Variants in NSUN6 observed in about 807,000 individuals in gnomAD.
NSUN6 encodes the protein NOP2/Sun RNA methyltransferase 6.
A neutral mutation model predicts 58.0 loss-of-function variants in NSUN6; 64 were observed. That is an observed-to-expected ratio of 1.10 (90% CI 0.90 to 1.36). NSUN6 has a LOEUF of 1.36. Among genes scored for constraint, NSUN6 ranks in the 40% most tolerant of loss-of-function variants. NSUN6 has a pLI of 0.00. For missense variants in NSUN6, 701 were observed against 550.1 expected (o/e 1.27, Z -2.74); for synonymous variants, 231 against 193.9 (o/e 1.19, Z -1.59).
intron 6 of NSUN6, among the ~76,000 whole-genome samples, chr10:18,600,891 G>A (rs1207244233): frequency 5.1e-5 from 6 of 117,780 alleles, no homozygotes; most frequent in Admixed American, 9.4e-5. Flanking sequence ...TCATGCCATC[G>A]TACTCCAGCC....
chr10:18,617,185 G>GTTT (rs35698731), intron 3 of NSUN6, among the ~76,000 whole-genome samples: 1,731 of 127,602 alleles, frequency 0.014, 16 homozygotes, highest in Non-Finnish European at 0.023. Context: ...AGCCTTTCTA[G>GTTT]TTTTTTTTTT....
rs199543258 is a variant in NSUN6 at position 18,614,493 on chromosome 10, C to A, written c.542G>T (p.Arg181Leu). ...FLGNGISELS[R>L]KEIFSGLPEL... is the part of the protein sequence containing the mutation. ...AGGTAATCCACTGAAGATTTCTTTG[C>A]GGCTTAGTTCAGAAATCCCATTTCC... Residue 181 changes from arginine to leucine, a missense_variant, in exon 5 of 11, where the codon CGC becomes CTC. Coordinates refer to ENST00000377304, the MANE Select transcript of NSUN6 (RefSeq NM_182543.5). The A allele has an allele frequency of 1.3e-6, 2 of 1,555,192 alleles. No homozygotes were observed. The highest frequency in any genetic ancestry group is 2.0e-5 in the Admixed American group (1 of 49,662).
chr10:18,551,072 T>C (rs934397722), intron 9 of NSUN6, among the ~76,000 whole-genome samples: 5 of 152,282 alleles, frequency 3.3e-5, no homozygotes, highest in South Asian at 2.1e-4. Flanking sequence ...TTATATCTAA[T>C]TCTTTACATC....
chr10:18,594,694 T>C (rs2057515841), intron 7 of NSUN6, among the ~76,000 whole-genome samples: 1 of 152,114 alleles, frequency 6.6e-6, no homozygotes, highest in African/African-American at 2.4e-5. Context: ...CGTGATCCAA[T>C]TGTGGCTCAA....
chr10:18,603,197 G>A (rs2057914903), intron 6 of NSUN6, among the ~76,000 whole-genome samples: 1 of 152,176 alleles, frequency 6.6e-6, no homozygotes, highest in Non-Finnish European at 1.5e-5. Flanking sequence ...GAAGGCTGAG[G>A]CATGAGAATC....
rs182637922 is a variant in NSUN6, at chr10:18,593,046, G to C, written c.777+3162C>G. ...AAATCCCATCAAAAAGTGGACGAAG[G>C]ATATGAACAGACACTTCTCAAAAGA... On this transcript the variant is annotated intron_variant, in intron 7 of 10. Transcript: ENST00000377304. Among the ~76,000 whole-genome samples, 188 of 152,144 alleles carry C rather than the reference G, an allele frequency of 1.2e-3. 1 individual carries two copies. Among genetic ancestry groups the C allele is most frequent in the African/African-American group, 4.4e-3 (184 of 41,498 alleles).
upstream of NSUN6, chr10:18,655,002 AGAAAT>A: frequency 1.1e-6 from 1 of 900,704 alleles, no homozygotes; most frequent in Non-Finnish European, 1.3e-6. Flanking sequence ...CTTTATTTCT[AGAAAT>A]AATACTATAT....
intron 6 of NSUN6, among the ~76,000 whole-genome samples, chr10:18,600,961 CATAT>C (rs765573745): frequency 3.3e-4 from 16 of 47,790 alleles, no homozygotes; most frequent in African/African-American, 6.8e-4. Context: ...TATATATATA[CATAT>C]ATATATATAT....
chr10:18,576,304 A>C (rs1323830018), intron 8 of NSUN6, among the ~76,000 whole-genome samples: 1 of 152,080 alleles, frequency 6.6e-6, no homozygotes, highest in African/African-American at 2.4e-5. Flanking sequence ...TCCACTTCAG[A>C]AAAGTACCTC....
At chr10:18,553,515 A>C (rs1336014626) in intron 8 of NSUN6, among the ~76,000 whole-genome samples, 1 of 150,548 alleles carries the variant, frequency 6.6e-6, no homozygotes, top group Non-Finnish European at 1.5e-5. Context: ...GGAGCGGAGA[A>C]AGGAATGGAG....
chr10:18,583,076 C>T (rs534124331), intron 8 of NSUN6, among the ~76,000 whole-genome samples: 71 of 152,310 alleles, frequency 4.7e-4, no homozygotes, highest in Non-Finnish European at 1.0e-3. Context: ...AAACCACAGC[C>T]AGTTCCTGCC....
intron 5 of NSUN6, among the ~76,000 whole-genome samples, chr10:18,612,658 ACTATCTCCTT>A (rs1335677226): frequency 2.0e-5 from 3 of 152,210 alleles, no homozygotes; most frequent in African/African-American, 7.2e-5. Flanking sequence ...GTGCTCTTCG[ACTATCTCCTT>A]CTGACCACGC....
At chr10:18,645,156 T>C (rs1474544864) in intron 2 of NSUN6, among the ~76,000 whole-genome samples, 2 of 67,808 alleles carry the variant, frequency 2.9e-5, no homozygotes, top group African/African-American at 6.3e-5. Context: ...AGACTCCCTC[T>C]CAAAAAAAAA....
Position 18,630,990 on chromosome 10 carries a change from T to A in NSUN6, c.311+11486A>T, listed in dbSNP as rs970862935. On this transcript the variant is annotated intron_variant, in intron 3 of 10. Coordinates refer to ENST00000377304, the MANE Select transcript of NSUN6 (RefSeq NM_182543.5). ...GACCAATATCCTTGATGAACATTGATGCAAAAATCCTCAATAAAATACTGG... is the reference window on the plus strand; with the variant it reads ...GACCAATATCCTTGATGAACATTGAAGCAAAAATCCTCAATAAAATACTGG... Among the ~76,000 whole-genome samples, 23 of 151,918 alleles carry A rather than the reference T, an allele frequency of 1.5e-4. 1 individual carries two copies. In the South Asian group the frequency reaches 4.8e-3, roughly 32 times the overall value.
At position 18,557,540 on chromosome 10, in the gene NSUN6, T is replaced by A. The variant is rs192374772; in HGVS notation, c.923-5569A>T. On this transcript the variant is annotated intron_variant, in intron 8 of 10. Transcript: ENST00000377304. Reference sequence around the variant, plus strand: ...GAAGGGAGAATGGAATGGAATGGAATGGATGATGGTATGGAGAATGGAATG... The same window carrying A: ...GAAGGGAGAATGGAATGGAATGGAAAGGATGATGGTATGGAGAATGGAATG... Among the ~76,000 whole-genome samples, 1,408 of 145,066 alleles carry A rather than the reference T, an allele frequency of 9.7e-3. 20 individuals are homozygous for A. The highest frequency in any genetic ancestry group is 0.034 in the African/African-American group (1,324 of 38,862).
At chr10:18,653,315 A>C, upstream of NSUN6, 1 of 982,550 alleles carries the variant, frequency 1.0e-6, no homozygotes, top group African/African-American at 1.7e-5. Context: ...ATGCTGATAA[A>C]GCATTTGCCA....
chr10:18,577,218 T>C (rs1460688362), intron 8 of NSUN6, among the ~76,000 whole-genome samples: 1 of 152,188 alleles, frequency 6.6e-6, no homozygotes, highest in East Asian at 1.9e-4. Context: ...AGGAGGAGTT[T>C]GATTCATAAT....
chr10:18,616,911 C>T (rs1247814940), intron 3 of NSUN6, among the ~76,000 whole-genome samples: 2 of 152,100 alleles, frequency 1.3e-5, no homozygotes, highest in Non-Finnish European at 2.9e-5. Context: ...TGTGCTGTCA[C>T]AACTCACTGC....
chr10:18,583,915 G>T (rs531873008), intron 8 of NSUN6, among the ~76,000 whole-genome samples: 1 of 151,964 alleles, frequency 6.6e-6, no homozygotes, highest in African/African-American at 2.4e-5. Context: ...CCTATTCCCC[G>T]TTTGTTTCCT....
Sources: allele counts gnomAD v4.1 joint callset (sites outside exome capture counted in the v4.1 genomes callset), GRCh38; gene constraint gnomAD v4.1.1; transcripts MANE v1.5; gene names NCBI Gene and HGNC (gene_info 2026-07-23, HGNC 2026-07-21).